Variants in MAP3K7CL observed in about 807,000 individuals in gnomAD.
The protein encoded by MAP3K7CL is MAP3K7 C-terminal like.
A neutral mutation model predicts 18.6 loss-of-function variants in MAP3K7CL; 16 were observed. The observed-to-expected ratio is 0.86, with a 90% CI of 0.58 to 1.31. The LOEUF is 1.31. MAP3K7CL is among the 50% of genes most tolerant of loss of function. MAP3K7CL has a pLI of 0.00. For synonymous variants in MAP3K7CL, 65 were observed against 66.8 expected (o/e 0.97, Z 0.13); for missense variants, 163 against 174.4 (o/e 0.93, Z 0.37).
intron 4 of MAP3K7CL, among the ~76,000 whole-genome samples, chr21:29,109,946 T>C (rs189173109): frequency 6.6e-6 from 1 of 151,950 alleles, no homozygotes; most frequent in Non-Finnish European, 1.5e-5. Context: ...AGATTTCTCC[T>C]GCAAACCCAC....
intron 4 of MAP3K7CL, among the ~76,000 whole-genome samples, chr21:29,160,284 A>G (rs2087514893): frequency 6.6e-6 from 1 of 152,254 alleles, no homozygotes; most frequent in South Asian, 2.1e-4. Flanking sequence ...ATTTTAGTTC[A>G]TGAAATTAAA....
At chr21:29,140,675 A>G (rs2086986711) in intron 2 of MAP3K7CL, among the ~76,000 whole-genome samples, 1 of 152,218 alleles carries the variant, frequency 6.6e-6, no homozygotes, top group African/African-American at 2.4e-5. Flanking sequence ...TGATGGAGGA[A>G]GGTTACTTCT....
upstream of MAP3K7CL, among the ~76,000 whole-genome samples, chr21:29,082,091 A>G (rs2146471619): frequency 6.6e-6 from 1 of 152,328 alleles, no homozygotes; most frequent in African/African-American, 2.4e-5. Flanking sequence ...GTTTTATAAT[A>G]TAATATTACT....
rs989569677 is a variant in MAP3K7CL, at chr21:29,175,625, G to C, written c.*733G>C. The C allele has an allele frequency of 6.6e-6, 1 of 152,200 alleles. No individual in the cohort carries two copies. Among genetic ancestry groups the C allele is most frequent in the Non-Finnish European group, 1.5e-5 (1 of 68,074 alleles). The allele number at this position is 152,200 out of a possible 1,614,324, so 9.4% of individuals were successfully genotyped here. On this transcript the variant is annotated 3_prime_UTR_variant, in exon 5 of 5. Transcript: ENST00000399928. ...TTTGCCTGTGTGTGTTCTGGGGGAG[G>C]GGGGACATGGAAAAATATTGTTTGG... is the stretch of plus-strand genomic sequence containing the variant.
chr21:29,147,089 C>A lies in MAP3K7CL; in HGVS notation c.71-2100C>A, dbSNP rs144921161. ...ACTATGAAAACATAAAAACTGTTAT[C>A]TTTTCTTGCTTTATTATAATTTAAA... On this transcript the variant is annotated intron_variant, in intron 2 of 4. Transcript: ENST00000399928. Among the ~76,000 whole-genome samples the A allele has an allele frequency of 1.9e-3, 294 of 152,204 alleles. 1 individual carries two copies. The highest frequency in any genetic ancestry group is 6.1e-3 in the African/African-American group (253 of 41,516).
At chr21:29,080,038 A>G (rs534990621) in intron 1 of MAP3K7CL, among the ~76,000 whole-genome samples, 2 of 152,224 alleles carry the variant, frequency 1.3e-5, no homozygotes, top group African/African-American at 4.8e-5. Flanking sequence ...TTTAAATCCT[A>G]TTGGTGATAC....
intron 2 of MAP3K7CL, among the ~76,000 whole-genome samples, chr21:29,143,029 TGTAA>T (rs987895285): frequency 1.3e-5 from 2 of 152,212 alleles, no homozygotes; most frequent in African/African-American, 4.8e-5. Flanking sequence ...TCACTTGCCT[TGTAA>T]GTGTCAGTTT....
At chr21:29,106,969 G>A (rs1160196286) in intron 4 of MAP3K7CL, among the ~76,000 whole-genome samples, 1 of 152,166 alleles carries the variant, frequency 6.6e-6, no homozygotes, top group African/African-American at 2.4e-5. Flanking sequence ...TAGGGCTTTA[G>A]GGCTGACTGC....
At chr21:29,097,133 G>A (rs1352675791) in intron 4 of MAP3K7CL, among the ~76,000 whole-genome samples, 1 of 152,008 alleles carries the variant, frequency 6.6e-6, no homozygotes, top group Non-Finnish European at 1.5e-5. Context: ...TACCTTAGTG[G>A]GAAAGGAGTT....
chr21:29,125,594 C>T (rs1483813625), intron 4 of MAP3K7CL, among the ~76,000 whole-genome samples: 2 of 152,174 alleles, frequency 1.3e-5, no homozygotes, highest in African/African-American at 4.8e-5. Flanking sequence ...TAGAAACATA[C>T]AATTTTTCTT....
At chr21:29,123,174 T>G (rs1051781722) in intron 4 of MAP3K7CL, among the ~76,000 whole-genome samples, 2 of 150,610 alleles carry the variant, frequency 1.3e-5, no homozygotes, top group Admixed American at 6.6e-5. Flanking sequence ...GTGATTCCCC[T>G]GCCTCAGCCT....
chr21:29,147,751 CTG>C (rs1331763611), intron 2 of MAP3K7CL, among the ~76,000 whole-genome samples: 5 of 151,026 alleles, frequency 3.3e-5, no homozygotes, highest in African/African-American at 9.7e-5. Context: ...ATGTATGTAT[CTG>C]TGCTGTATCT....
intron 4 of MAP3K7CL, among the ~76,000 whole-genome samples, chr21:29,124,488 AATAG>A (rs1186110935): frequency 6.6e-6 from 1 of 152,238 alleles, no homozygotes; most frequent in African/African-American, 2.4e-5. Flanking sequence ...CATTTAGATA[AATAG>A]ATAGCTAAAT....
At chr21:29,174,050 A>G (rs2087907701) in intron 4 of MAP3K7CL, among the ~76,000 whole-genome samples, 1 of 152,218 alleles carries the variant, frequency 6.6e-6, no homozygotes, top group Non-Finnish European at 1.5e-5. Flanking sequence ...TACAACTATT[A>G]ACTAAGAACT....
chr21:29,144,167 A>C (rs1446416688), intron 2 of MAP3K7CL, among the ~76,000 whole-genome samples: 1 of 146,206 alleles, frequency 6.8e-6, no homozygotes, highest in Non-Finnish European at 1.5e-5. Context: ...TTTTTTTTTG[A>C]GACGGAGTCT....
At chr21:29,117,320 TAAC>T (rs1192023049) in intron 4 of MAP3K7CL, among the ~76,000 whole-genome samples, 6 of 152,246 alleles carry the variant, frequency 3.9e-5, no homozygotes, top group African/African-American at 1.2e-4. Context: ...CTGATGGACT[TAAC>T]AATGCTATTT....
intron 4 of MAP3K7CL, among the ~76,000 whole-genome samples, chr21:29,161,516 G>C (rs2146729898): frequency 6.6e-6 from 1 of 152,016 alleles, no homozygotes; most frequent in South Asian, 2.1e-4. Context: ...CATGAGGTTG[G>C]TTTTCCAAGG....
chr21:29,155,616 G>A (rs994887316), intron 3 of MAP3K7CL, among the ~76,000 whole-genome samples: 40 of 152,300 alleles, frequency 2.6e-4, no homozygotes, highest in African/African-American at 7.5e-4. Context: ...GGACCCTGCG[G>A]TTTCTCTCTT....
chr21:29,174,663 C>T, intron 4 of MAP3K7CL, 49 bp from the exon 5 acceptor site: 2 of 1,588,654 alleles, frequency 1.3e-6, no homozygotes, highest in Non-Finnish European at 1.7e-6. Context: ...ATTTAATTTG[C>T]TTGCATTGAA....
Sources: allele counts gnomAD v4.1 joint callset (sites outside exome capture counted in the v4.1 genomes callset), GRCh38; gene constraint gnomAD v4.1.1; transcripts MANE v1.5; gene names NCBI Gene and HGNC (gene_info 2026-07-23, HGNC 2026-07-21).